Variants in UQCC1 observed in about 807,000 individuals in gnomAD.
UQCC1 encodes bFGF-repressed Zic-binding protein.
Under a neutral mutation model 48.0 loss-of-function variants are expected in UQCC1, and 38 were observed. The ratio of observed to expected loss-of-function variants is 0.79; its 90% CI spans 0.61 to 1.04. The LOEUF is 1.04. Among genes scored for constraint, UQCC1 ranks in the 50% least tolerant of loss-of-function variants. UQCC1 has a pLI of 0.00. For missense variants in UQCC1, 368 were observed against 381.8 expected, an observed-to-expected ratio of 0.96 and a Z score of 0.30; for synonymous variants, 111 against 129.2, an observed-to-expected ratio of 0.86 and a Z score of 0.95.
intron 4 of UQCC1, 94 bp from the exon 5 acceptor site, chr20:35,374,350 C>T (rs550976787): frequency 2.5e-4 from 252 of 993,396 alleles, no homozygotes; most frequent in Non-Finnish European, 3.5e-4. Flanking sequence ...ATTTCTTCAA[C>T]TAGAAGGAAG....
chr20:35,346,114 T>C (rs1315302370), intron 7 of UQCC1: 1 of 152,190 alleles, frequency 6.6e-6, no homozygotes, highest in Non-Finnish European at 1.5e-5. Context: ...ATCAGCGCTC[T>C]GTGTCTAGCT....
intron 2 of UQCC1, chr20:35,386,376 T>G (rs1400564657): frequency 2.2e-6 from 1 of 452,710 alleles, no homozygotes; most frequent in East Asian, 7.0e-5. Flanking sequence ...GAAAATGATT[T>G]TTTTTCTTTA....
chr20:35,345,676 G>T (rs2061424181), intron 7 of UQCC1: 1 of 151,962 alleles, frequency 6.6e-6, no homozygotes, highest in Admixed American at 6.6e-5. Context: ...AAATAAAAAA[G>T]GTTACTTCTG....
intron 1 of UQCC1, among the ~76,000 whole-genome samples, chr20:35,405,793 C>T (rs373448164): frequency 7.9e-5 from 12 of 152,244 alleles, no homozygotes; most frequent in African/African-American, 2.2e-4. Flanking sequence ...AAGGCTGAGG[C>T]GGGAGAATCG....
At chr20:35,380,034 C>G (rs1434448738) in intron 4 of UQCC1, among the ~76,000 whole-genome samples, 1 of 152,014 alleles carries the variant, frequency 6.6e-6, no homozygotes, top group East Asian at 1.9e-4. Context: ...TAAAAAACAG[C>G]CTAGACAAAA....
chr20:35,389,519 C>T (rs2061988280), intron 2 of UQCC1, among the ~76,000 whole-genome samples: 2 of 151,412 alleles, frequency 1.3e-5, no homozygotes, highest in Non-Finnish European at 1.5e-5. Context: ...GCCAAGATCT[C>T]GCCACTGCAC....
chr20:35,320,170 A>G (rs2061107044), intron 7 of UQCC1, among the ~76,000 whole-genome samples: 1 of 152,216 alleles, frequency 6.6e-6, no homozygotes, highest in African/African-American at 2.4e-5. Context: ...CTTAGCACAC[A>G]TATTTTCTCT....
At chr20:35,389,726 T>A (rs1435225982) in intron 2 of UQCC1, among the ~76,000 whole-genome samples, 1 of 152,170 alleles carries the variant, frequency 6.6e-6, no homozygotes, top group African/African-American at 2.4e-5. Context: ...AATGTAGGAA[T>A]GATGGAAATA....
intron 6 of UQCC1, among the ~76,000 whole-genome samples, chr20:35,353,268 G>A (rs1460494296): frequency 9.2e-5 from 14 of 151,598 alleles, no homozygotes; most frequent in Admixed American, 6.6e-5. Flanking sequence ...ATGGTGGCGC[G>A]TGCCTGTAGT....
intron 1 of UQCC1, among the ~76,000 whole-genome samples, chr20:35,398,443 G>A (rs1227969483): frequency 6.6e-6 from 1 of 152,170 alleles, no homozygotes; most frequent in Non-Finnish European, 1.5e-5. Context: ...GTAGAAACAG[G>A]TTGAGGTGGG....
At chr20:35,321,236 C>A (rs2061121333) in intron 7 of UQCC1, among the ~76,000 whole-genome samples, 3 of 147,898 alleles carry the variant, frequency 2.0e-5, no homozygotes, top group Admixed American at 2.0e-4. Flanking sequence ...GCAATGATGA[C>A]AAAATACAAA....
At chr20:35,374,541 C>A (rs1213004322) in intron 4 of UQCC1, among the ~76,000 whole-genome samples, 10 of 152,332 alleles carry the variant, frequency 6.6e-5, no homozygotes, top group Non-Finnish European at 8.8e-5. Context: ...TACTTCACCA[C>A]ATTTGTGCCT....
chr20:35,401,090 G>C (rs2062157813), intron 1 of UQCC1, among the ~76,000 whole-genome samples: 1 of 152,134 alleles, frequency 6.6e-6, no homozygotes, highest in Admixed American at 6.6e-5. Context: ...TGCTTCTAAA[G>C]GAAATGCCAG....
chr20:35,326,974 C>A (rs922415753), intron 7 of UQCC1, among the ~76,000 whole-genome samples: 1 of 152,170 alleles, frequency 6.6e-6, no homozygotes, highest in Admixed American at 6.5e-5. Context: ...AGGCCCTGAA[C>A]AACCTAGAGG....
chr20:35,337,715 G>A (rs1019593600), intron 7 of UQCC1, among the ~76,000 whole-genome samples: 1 of 152,148 alleles, frequency 6.6e-6, no homozygotes, highest in African/African-American at 2.4e-5. Context: ...GGAGGCCTTG[G>A]AGGCTGAGTA....
At chr20:35,411,883 G>C (rs1376670853) in intron 1 of UQCC1, 57 bp downstream of exon 1, 1 of 1,603,734 alleles carries the variant, frequency 6.2e-7, no homozygotes, top group Non-Finnish European at 8.5e-7. Flanking sequence ...GCCCTGCCTT[G>C]TCGAACTCCA....
intron 8 of UQCC1, among the ~76,000 whole-genome samples, chr20:35,312,775 A>C (rs2061008599): frequency 1.3e-5 from 2 of 152,240 alleles, no homozygotes; most frequent in African/African-American, 4.8e-5. Context: ...CGAGGGCATT[A>C]TGTTAAGTGA....
intron 4 of UQCC1, among the ~76,000 whole-genome samples, chr20:35,381,256 T>C (rs540170303): frequency 1.3e-5 from 2 of 152,266 alleles, no homozygotes; most frequent in South Asian, 4.1e-4. Flanking sequence ...AAAAAGATGA[T>C]TAGTAAAATT....
At chr20:35,308,003 G>A (rs2060947699) in intron 8 of UQCC1, among the ~76,000 whole-genome samples, 2 of 152,186 alleles carry the variant, frequency 1.3e-5, no homozygotes, top group Non-Finnish European at 2.9e-5. Flanking sequence ...GAGTTGCTGT[G>A]AGAATTAAGA....
Sources: gnomAD v4.1 joint callset for allele counts (sites outside exome capture counted in the v4.1 genomes callset) on GRCh38, gnomAD v4.1.1 for gene constraint, MANE v1.5 for transcripts, NCBI Gene and HGNC (gene_info 2026-07-23, HGNC 2026-07-21) for gene names.